The following HECTD2 variants were observed in gnomAD, a reference collection of about 807,000 sequenced individuals.
The protein encoded by HECTD2 is HECT domain E3 ubiquitin protein ligase 2.
HECTD2 carries 35 observed loss-of-function variants against 103.2 expected under a neutral mutation model. The ratio of observed to expected loss-of-function variants is 0.34; its 90% CI spans 0.26 to 0.45. HECTD2 has a LOEUF of 0.45. Among genes scored for constraint, HECTD2 ranks in the 20% least tolerant of loss-of-function variants. The pLI is 1.00. For missense variants in HECTD2, 596 were observed against 937.4 expected (o/e 0.64, Z 4.76); for synonymous variants, 281 against 329.9 (o/e 0.85, Z 1.61).
intron 6 of HECTD2, among the ~76,000 whole-genome samples, chr10:91,479,783 C>T (rs574274826): frequency 1.3e-5 from 2 of 152,262 alleles, no homozygotes; most frequent in South Asian, 4.1e-4. Context: ...ATACTTCTAA[C>T]AGCAGAGGGC....
chr10:91,434,160 G>C (rs970897157), intron 2 of HECTD2, among the ~76,000 whole-genome samples: 2 of 151,070 alleles, frequency 1.3e-5, no homozygotes, highest in Non-Finnish European at 1.5e-5. Flanking sequence ...TTTTTTTCCT[G>C]TCTTTCTTCC....
chr10:91,449,678 C>G (rs1844708724), intron 2 of HECTD2, among the ~76,000 whole-genome samples: 2 of 152,166 alleles, frequency 1.3e-5, no homozygotes, highest in Non-Finnish European at 2.9e-5. Context: ...AGCTGATAAG[C>G]AACTTCAGCA....
At chr10:91,484,153 A>G in intron 8 of HECTD2, 1 of 541,702 alleles carries the variant, frequency 1.8e-6, no homozygotes, top group South Asian at 2.4e-5. Flanking sequence ...CATCTTTCAC[A>G]TGTCCCCAAA....
At chr10:91,499,174 G>A in intron 18 of HECTD2, 24 bp downstream of exon 18, 1 of 1,414,310 alleles carries the variant, frequency 7.1e-7, no homozygotes, top group Non-Finnish European at 1.0e-6. Flanking sequence ...TTTAAATCAA[G>A]CTTTCGGTTA....
intron 7 of HECTD2, among the ~76,000 whole-genome samples, chr10:91,481,961 G>A (rs1005019216): frequency 1.3e-5 from 2 of 151,614 alleles, no homozygotes; most frequent in African/African-American, 4.8e-5. Context: ...AAGTGGAAAA[G>A]GGGGGAAAAT....
In HECTD2 at chr10:91,500,586, G is replaced by A. The variant is rs775322620; in HGVS notation, c.2035G>A (p.Asp679Asn). The A allele has an allele frequency of 1.2e-6, 2 of 1,607,284 alleles. No individual in the cohort carries two copies. The highest frequency in any genetic ancestry group is 1.7e-5 in the Admixed American group (1 of 59,986). ...TGCTCTGCAGAGAAGTACTCAGTAT[G>A]ATGGCTATGCAAAAACGGACTTAAC... ...MHALQRSTQY[D>N]GYAKTDLTIK... The change falls in exon 19 of 21, where the codon GAT (aspartate) becomes AAT (asparagine). Residue 679 changes from aspartate (D) to asparagine (N), a missense_variant. Transcript: ENST00000298068.
rs537212342 is a variant in HECTD2 at position 91,460,411 on chromosome 10, T to G, written c.269-16T>G. 5.1e-6 allele frequency: 8 copies of G among 1,577,594 alleles called. No individual in the cohort carries two copies. The South Asian group carries it at 9.5e-5, about 19-fold the overall frequency. ...TTAATGATTCATTATTTTGAATGTG[T>G]TTTTATACTTCACAGTGAGAGAACC... On this transcript the variant is annotated splice_polypyrimidine_tract_variant and intron_variant, in intron 2 of 20. Transcript: ENST00000298068.
chr10:91,449,867 G>A (rs1844722288), intron 2 of HECTD2, among the ~76,000 whole-genome samples: 1 of 152,102 alleles, frequency 6.6e-6, no homozygotes, highest in Non-Finnish European at 1.5e-5. Context: ...ACTCCTCAAG[G>A]AAATAAGAGA....
chr10:91,430,269 T>C (rs1459771146), intron 2 of HECTD2, among the ~76,000 whole-genome samples: 1 of 152,216 alleles, frequency 6.6e-6, no homozygotes, highest in Non-Finnish European at 1.5e-5. Context: ...TCTGTTCTTT[T>C]ACATTTGCTG....
At position 91,510,896 on chromosome 10, in the gene HECTD2, C is replaced by T. The variant is rs1365091835; in HGVS notation, c.2211-1368C>T. Among the ~76,000 whole-genome samples the T allele has an allele frequency of 3.9e-5, 6 of 152,172 alleles. No homozygotes were observed. The East Asian group carries it at 1.2e-3, about 29-fold the overall frequency. On this transcript the variant is annotated intron_variant, in intron 20 of 20. Transcript: ENST00000298068. Reference sequence around the variant, plus strand: ...AATATTGGGCCTACATCTTTACCAGCTCTCTATCCCTGAACAGGTTACTTG... The same window carrying T: ...AATATTGGGCCTACATCTTTACCAGTTCTCTATCCCTGAACAGGTTACTTG...
intron 3 of HECTD2, among the ~76,000 whole-genome samples, chr10:91,461,010 A>G (rs1246912586): frequency 6.6e-6 from 1 of 152,190 alleles, no homozygotes; most frequent in Admixed American, 6.6e-5. Context: ...GGAAGGAAGG[A>G]GCGATAATTG....
intron 2 of HECTD2, among the ~76,000 whole-genome samples, chr10:91,435,998 G>T (rs1844099777): frequency 6.6e-6 from 1 of 151,876 alleles, no homozygotes; most frequent in Non-Finnish European, 1.5e-5. Flanking sequence ...TAATTGTGAA[G>T]AATTATTTCC....
At chr10:91,429,903 T>C (rs1843760988) in intron 2 of HECTD2, among the ~76,000 whole-genome samples, 1 of 152,226 alleles carries the variant, frequency 6.6e-6, no homozygotes, top group Non-Finnish European at 1.5e-5. Context: ...ATTTTAGTTA[T>C]TTCTTGCCTT....
chr10:91,410,815 C>T (rs902498028), intron 1 of HECTD2, among the ~76,000 whole-genome samples: 5 of 152,146 alleles, frequency 3.3e-5, no homozygotes, highest in African/African-American at 9.7e-5. Context: ...TGGTCGGTTC[C>T]GCTGGATGTT....
intron 1 of HECTD2, among the ~76,000 whole-genome samples, chr10:91,420,355 G>T (rs2133004667): frequency 6.6e-6 from 1 of 151,424 alleles, no homozygotes; most frequent in East Asian, 1.9e-4. Context: ...GGAGGCCGAG[G>T]CAGGTAGATC....
chr10:91,474,656 C>G (rs1476127294), intron 5 of HECTD2, among the ~76,000 whole-genome samples: 1 of 152,046 alleles, frequency 6.6e-6, no homozygotes, highest in Non-Finnish European at 1.5e-5. Flanking sequence ...GTTGGAGATA[C>G]AGTGTTAAAC....
rs747656116 is a variant in HECTD2, at chr10:91,482,984, C to G, written c.729C>G (p.Asn243Lys). 7 of 1,519,736 alleles carry G rather than the reference C, an allele frequency of 4.6e-6. No individual in the cohort carries two copies. Among genetic ancestry groups the G allele is most frequent in the Non-Finnish European group, 6.3e-6 (7 of 1,105,176 alleles). 94.1% of individuals were successfully genotyped at this position (1,519,736 alleles called of 1,614,324 possible). Residue 243 changes from asparagine to lysine, a missense_variant, in exon 8 of 21, where the codon AAC (asparagine) becomes AAG (lysine). Asn to Lys is a moderately conservative substitution (Grantham distance 94). Transcript: ENST00000298068. ...TTTTTCAGAATCCTCAGTTTAATAA[C>G]ACATCTACGTATGTCATCTATGCTC... Reference protein sequence around the residue: ...FILLQNPQFNNTSTYVIYAHL... With the variant: ...FILLQNPQFNKTSTYVIYAHL...
chr10:91,493,584 CTGT>C (rs1846555713), intron 14 of HECTD2, 76 bp downstream of exon 14: 1 of 769,124 alleles, frequency 1.3e-6, no homozygotes, highest in Non-Finnish European at 2.0e-6. Flanking sequence ...TTTTAGAAAA[CTGT>C]TTTCTTTAGC....
At chr10:91,429,856 GT>G in intron 2 of HECTD2, among the ~76,000 whole-genome samples, 1 of 152,028 alleles carries the variant, frequency 6.6e-6, no homozygotes, top group South Asian at 2.1e-4. Context: ...TTTTTTGAAG[GT>G]TTTTTTGTGT....
Sources: gnomAD v4.1 joint callset for allele counts (sites outside exome capture counted in the v4.1 genomes callset) on GRCh38, gnomAD v4.1.1 for gene constraint, MANE v1.5 for transcripts, NCBI Gene and HGNC (gene_info 2026-07-23, HGNC 2026-07-21) for gene names.